Variants in TPD52 observed in about 807,000 individuals in gnomAD.
The protein encoded by TPD52 is prostate and colon associated protein.
Under a neutral mutation model 31.3 loss-of-function variants are expected in TPD52, and 17 were observed. The ratio of observed to expected loss-of-function variants is 0.54; its 90% CI spans 0.37 to 0.82. The LOEUF is 0.82. TPD52 is among the 40% of genes least tolerant of loss of function. TPD52 has a pLI of 0.00. For missense variants in TPD52, 212 were observed against 240.1 expected (o/e 0.88, Z 0.77); for synonymous variants, 83 against 89.6 (o/e 0.93, Z 0.42).
intron 1 of TPD52, among the ~76,000 whole-genome samples, chr8:80,148,334 G>A (rs1810347450): frequency 6.6e-6 from 1 of 151,578 alleles, no homozygotes; most frequent in Admixed American, 6.6e-5. Context: ...GTGTGTGTGT[G>A]TGTGTGTGTG....
Position 80,042,627 on chromosome 8 carries a change from T to G in TPD52, c.497A>C (p.Asn166Thr). The change falls in exon 7 of 8, where the codon AAC (asparagine) becomes ACC (threonine). Residue 166 changes from asparagine (N) to threonine (T), a missense_variant. By Grantham distance (65) the Asn-to-Thr change is moderately conservative (BLOSUM62 0). Coordinates refer to ENST00000518937, the MANE Select transcript of TPD52 (RefSeq NM_001025253.3). ...TFKSFEEKVE[N>T]LKSKVGGTKP... ...GTTCATCTCTCTACTTGCCTTTAAG[T>G]TTTCGACCTTTTCTTCAAATGATTT... 1 of 1,611,008 alleles carries G rather than the reference T, an allele frequency of 6.2e-7. No homozygotes were observed. The highest frequency in any genetic ancestry group is 8.5e-7 in the Non-Finnish European group (1 of 1,178,346).
intron 1 of TPD52, among the ~76,000 whole-genome samples, chr8:80,089,743 A>T (rs1245435530): frequency 6.6e-6 from 1 of 152,198 alleles, no homozygotes; most frequent in African/African-American, 2.4e-5. Context: ...CATCAATTTT[A>T]TGGGGTAAGT....
At chr8:80,125,034 C>T (rs1389404611) in intron 1 of TPD52, among the ~76,000 whole-genome samples, 1 of 152,144 alleles carries the variant, frequency 6.6e-6, no homozygotes, top group Admixed American at 6.5e-5. Context: ...TTTAAAGCTT[C>T]CCTGATGATT....
chr8:80,152,030 C>T (rs971601107), intron 1 of TPD52, among the ~76,000 whole-genome samples: 1 of 152,086 alleles, frequency 6.6e-6, no homozygotes, highest in African/African-American at 2.4e-5. Context: ...AAACAAGAGC[C>T]CTGCACCTCT....
chr8:80,149,695 T>G (rs1460813530), intron 1 of TPD52, among the ~76,000 whole-genome samples: 1 of 152,154 alleles, frequency 6.6e-6, no homozygotes, highest in Non-Finnish European at 1.5e-5. Context: ...GGTGAGGAAC[T>G]TGGGAACTGG....
At chr8:80,152,650 G>A (rs929504540) in intron 1 of TPD52, among the ~76,000 whole-genome samples, 12 of 151,964 alleles carry the variant, frequency 7.9e-5, no homozygotes, top group Admixed American at 5.9e-4. Flanking sequence ...GCATGGTGGT[G>A]CAAGCCTATA....
At chr8:80,117,785 T>C (rs1490461811) in intron 1 of TPD52, among the ~76,000 whole-genome samples, 4 of 145,074 alleles carry the variant, frequency 2.8e-5, no homozygotes, top group Non-Finnish European at 5.9e-5. Flanking sequence ...CAGGCTGGAG[T>C]GTAGTGGTGC....
intron 2 of TPD52, among the ~76,000 whole-genome samples, chr8:80,055,283 T>C (rs1432007428): frequency 6.6e-6 from 1 of 152,256 alleles, no homozygotes; most frequent in Non-Finnish European, 1.5e-5. Context: ...GGTTAGCTTG[T>C]GCTGCTAACA....
At chr8:80,163,954 A>G (rs1811530561) in intron 1 of TPD52, among the ~76,000 whole-genome samples, 2 of 152,004 alleles carry the variant, frequency 1.3e-5, no homozygotes, top group Non-Finnish European at 2.9e-5. Context: ...TGTATACAGT[A>G]TAACCCTAAT....
intron 6 of TPD52, among the ~76,000 whole-genome samples, chr8:80,043,844 C>T (rs1008131255): frequency 6.6e-6 from 1 of 152,114 alleles, no homozygotes; most frequent in African/African-American, 2.4e-5. Context: ...GTAACTAAAG[C>T]GAATGCAGAC....
At chr8:80,166,265 T>C (rs573181151) in intron 1 of TPD52, among the ~76,000 whole-genome samples, 8 of 151,690 alleles carry the variant, frequency 5.3e-5, no homozygotes, top group African/African-American at 9.6e-5. Flanking sequence ...GTGAGCCAAA[T>C]TGGTGCCATT....
rs1215986937 is a variant in TPD52 at position 80,035,135 on chromosome 8, G to A, written c.*2981C>T. 2 of 152,342 alleles carry A rather than the reference G, an allele frequency of 1.3e-5. No homozygotes were observed. Among genetic ancestry groups the A allele is most frequent in the African/African-American group, 4.8e-5 (2 of 41,588 alleles). 9.4% of individuals were successfully genotyped at this position (152,342 alleles called of 1,614,324 possible). On this transcript the variant is annotated 3_prime_UTR_variant, in exon 8 of 8. Transcript: ENST00000518937. ...AATAAGGACTAATCAATGGCCAAAT[G>A]TTTCTTCACTATGGGCAAAAATGTG...
chr8:80,142,261 AGCAGTT>A (rs1421829263), intron 1 of TPD52, among the ~76,000 whole-genome samples: 1 of 152,176 alleles, frequency 6.6e-6, no homozygotes, highest in Non-Finnish European at 1.5e-5. Flanking sequence ...TCTCATGGAG[AGCAGTT>A]AGCCTAGTCA....
At chr8:80,070,136 T>C (rs1813609830) in intron 1 of TPD52, among the ~76,000 whole-genome samples, 1 of 152,148 alleles carries the variant, frequency 6.6e-6, no homozygotes, top group Admixed American at 6.5e-5. Flanking sequence ...TTACTAAAAA[T>C]GTAGAACCTA....
intron 1 of TPD52, chr8:80,119,939 G>C: frequency 3.1e-6 from 1 of 327,168 alleles, no homozygotes; most frequent in South Asian, 2.5e-5. Flanking sequence ...AAAAACTACA[G>C]GACATTAATA....
intron 1 of TPD52, among the ~76,000 whole-genome samples, chr8:80,086,646 G>A (rs1203182922): frequency 6.6e-6 from 1 of 151,906 alleles, no homozygotes; most frequent in Admixed American, 6.5e-5. Flanking sequence ...GACCAAGGCA[G>A]GCAGATCACC....
At chr8:80,073,153 A>G (rs916103522) in intron 1 of TPD52, among the ~76,000 whole-genome samples, 1 of 152,090 alleles carries the variant, frequency 6.6e-6, no homozygotes, top group African/African-American at 2.4e-5. Context: ...TAACTCAAAA[A>G]AAATTTTTGT....
At chr8:80,071,319 C>T (rs910844925) in intron 1 of TPD52, among the ~76,000 whole-genome samples, 1 of 152,186 alleles carries the variant, frequency 6.6e-6, no homozygotes, top group Non-Finnish European at 1.5e-5. Flanking sequence ...CAAAGAGCCC[C>T]AAGCCCCTTA....
chr8:80,079,078 T>C (rs7010875), intron 1 of TPD52, among the ~76,000 whole-genome samples: 5,288 of 152,022 alleles, frequency 0.035, 279 homozygotes, highest in African/African-American at 0.12. Context: ...GTCACTTGAG[T>C]TTCAGTCCAT....
Sources: gnomAD v4.1 joint callset for allele counts (sites outside exome capture counted in the v4.1 genomes callset) on GRCh38, gnomAD v4.1.1 for gene constraint, MANE v1.5 for transcripts, NCBI Gene and HGNC (gene_info 2026-07-23, HGNC 2026-07-21) for gene names.